The following EDA variants were observed in gnomAD, a reference collection of about 807,000 sequenced individuals.
EDA encodes the protein ectodysplasin A, also known as ectodysplasin-A.
In EDA, 2 loss-of-function variants were observed where a neutral mutation model predicts 23.6. The ratio of observed to expected loss-of-function variants is 0.08; its 90% CI spans 0.03 to 0.27. EDA has a LOEUF of 0.27. EDA is among the 10% of genes least tolerant of loss of function. The pLI is 1.00. For missense variants in EDA, 229 were observed against 324.2 expected, an observed-to-expected ratio of 0.71 and a Z score of 2.26; for synonymous variants, 131 against 132.0, an observed-to-expected ratio of 0.99 and a Z score of 0.05.
intron 1 of EDA, among the ~76,000 whole-genome samples, chrX:69,658,170 T>C (rs1318225567): frequency 2.8e-5 from 3 of 109,061 alleles, no homozygotes; most frequent in Admixed American, 9.9e-5. Context: ...GGTCTCCTCA[T>C]AGAGATATTT....
In EDA at chrX:69,857,274, G is replaced by A. The variant is rs770667903; in HGVS notation, c.397-99753G>A. The stretch of plus-strand genomic sequence containing the variant: ...GCACCATGCTGTTTTGGTGACTGTA[G>A]CCTTATAGTTTGAAGTCCCGTATTG... On this transcript the variant is annotated intron_variant, in intron 1 of 7. Transcript: ENST00000374552. Among the ~76,000 whole-genome samples, 4 of 111,913 alleles carry A rather than the reference G, an allele frequency of 3.6e-5. No individual in the cohort carries two copies. The Admixed American group carries it at 3.8e-4, about 11-fold the overall frequency.
chrX:70,017,525 G>A (rs2019969268), intron 2 of EDA, among the ~76,000 whole-genome samples: 1 of 111,961 alleles, frequency 8.9e-6, no homozygotes, highest in South Asian at 3.7e-4. Context: ...CTTTATCCCT[G>A]GAATGCAAGG....
intron 1 of EDA, among the ~76,000 whole-genome samples, chrX:69,801,137 T>A (rs1375034298): frequency 9.0e-6 from 1 of 111,725 alleles, no homozygotes; most frequent in Non-Finnish European, 1.9e-5. Flanking sequence ...CTTTTAAAAT[T>A]TTAAGTAAAA....
At chrX:69,734,513 G>T (rs1396926919) in intron 1 of EDA, among the ~76,000 whole-genome samples, 1 of 111,527 alleles carries the variant, frequency 9.0e-6, no homozygotes, top group Non-Finnish European at 1.9e-5. Context: ...GTTTTCAGTA[G>T]GGAGGTTAGA....
chrX:69,902,144 T>C (rs757123267), intron 1 of EDA, among the ~76,000 whole-genome samples: 35 of 106,332 alleles, frequency 3.3e-4, no homozygotes, highest in Admixed American at 6.2e-4. Context: ...AATTGTAATG[T>C]TATAAATAGA....
At chrX:69,847,515 T>C (rs982434443) in intron 1 of EDA, among the ~76,000 whole-genome samples, 4 of 111,419 alleles carry the variant, frequency 3.6e-5, no homozygotes, top group Admixed American at 2.9e-4. Flanking sequence ...TTTTGTCTTT[T>C]CAAGAATATT....
intron 2 of EDA, among the ~76,000 whole-genome samples, chrX:70,001,818 C>G (rs899765601): frequency 4.5e-5 from 5 of 112,245 alleles, no homozygotes; most frequent in African/African-American, 1.6e-4. Context: ...ATGGAATACT[C>G]TGGAATATTC....
intron 1 of EDA, among the ~76,000 whole-genome samples, chrX:69,635,540 TC>T (rs1003200574): frequency 1.0e-5 from 1 of 98,940 alleles, no homozygotes; most frequent in African/African-American, 3.8e-5. Context: ...TCTCACTTCC[TC>T]CCCACTCACA....
chrX:69,913,891 G>A (rs191196059), intron 1 of EDA, among the ~76,000 whole-genome samples: 38 of 111,625 alleles, frequency 3.4e-4, no homozygotes, highest in African/African-American at 1.2e-3. Context: ...GGCCTGAGGA[G>A]AGGCAAAGAG....
intron 1 of EDA, among the ~76,000 whole-genome samples, chrX:69,681,324 A>G (rs1228051263): frequency 1.8e-5 from 2 of 108,522 alleles, no homozygotes; most frequent in Admixed American, 9.9e-5. Context: ...CTCGAGGAGT[A>G]TCTTTGTGGC....
chrX:69,690,277 G>A (rs1424388237), intron 1 of EDA, among the ~76,000 whole-genome samples: 1 of 111,458 alleles, frequency 9.0e-6, no homozygotes, highest in Non-Finnish European at 1.9e-5. Flanking sequence ...TTAGCTCTGG[G>A]TCTTTCCTAG....
chrX:69,843,979 G>T (rs758817133), intron 1 of EDA, among the ~76,000 whole-genome samples: 2 of 91,573 alleles, frequency 2.2e-5, no homozygotes, highest in African/African-American at 8.4e-5. Flanking sequence ...CCGAGATCGC[G>T]CCACTGCACT....
chrX:69,948,800 C>T (rs898432327), intron 1 of EDA, among the ~76,000 whole-genome samples: 4 of 112,173 alleles, frequency 3.6e-5, no homozygotes, highest in African/African-American at 6.5e-5. Context: ...CAGACAACAC[C>T]ACCCTGAATG....
intron 1 of EDA, among the ~76,000 whole-genome samples, chrX:69,865,287 A>C (rs1229973146): frequency 1.8e-5 from 2 of 110,543 alleles, no homozygotes; most frequent in Non-Finnish European, 3.8e-5. Context: ...TATAAAGTTT[A>C]TACTTAATAA....
At chrX:70,010,511 A>AT (rs2019860790) in intron 2 of EDA, among the ~76,000 whole-genome samples, 1 of 111,576 alleles carries the variant, frequency 9.0e-6, no homozygotes, top group African/African-American at 3.3e-5. Flanking sequence ...TTTAAAGTGG[A>AT]TTTTTTTATA....
intron 1 of EDA, among the ~76,000 whole-genome samples, chrX:69,666,166 C>T: frequency 8.9e-6 from 1 of 112,182 alleles, no homozygotes; most frequent in East Asian, 2.8e-4. Flanking sequence ...TGCAACTTTA[C>T]TGAATTCATT....
At chrX:69,670,766 T>G (rs1432989940) in intron 1 of EDA, among the ~76,000 whole-genome samples, 1 of 111,394 alleles carries the variant, frequency 9.0e-6, no homozygotes, top group African/African-American at 3.3e-5. Context: ...TTGGTTCTTT[T>G]TAATGATATC....
At chrX:69,713,794 G>A (rs929393890) in intron 1 of EDA, among the ~76,000 whole-genome samples, 5 of 111,526 alleles carry the variant, frequency 4.5e-5, no homozygotes, top group Non-Finnish European at 7.5e-5. Context: ...GCTTATTCCA[G>A]TTTTTGGCAA....
intron 1 of EDA, among the ~76,000 whole-genome samples, chrX:69,640,042 C>A (rs769835558): frequency 1.6e-4 from 18 of 111,535 alleles, no homozygotes; most frequent in Middle Eastern, 4.6e-3. Context: ...TCTTGGTATC[C>A]TTGTTGAAAA....
Sources: allele counts gnomAD v4.1 joint callset (sites outside exome capture counted in the v4.1 genomes callset), GRCh38; gene constraint gnomAD v4.1.1; transcripts MANE v1.5; gene names NCBI Gene and HGNC (gene_info 2026-07-23, HGNC 2026-07-21).